Variants in ADRA1B observed in about 807,000 individuals in gnomAD.
ADRA1B encodes alpha-1B adrenergic receptor.
In ADRA1B, 17 loss-of-function variants were observed where a neutral mutation model predicts 17.9. That is an observed-to-expected ratio of 0.95 (90% CI 0.65 to 1.42). The LOEUF is 1.42. ADRA1B is among the 40% of genes most tolerant of loss of function. The pLI is 0.00. For synonymous variants in ADRA1B, 366 were observed against 327.6 expected, an observed-to-expected ratio of 1.12 and a Z score of -1.27; for missense variants, 681 against 722.1, an observed-to-expected ratio of 0.94 and a Z score of 0.65.
chr5:159,942,138 G>T (rs930215032), intron 1 of ADRA1B, among the ~76,000 whole-genome samples: 13 of 151,982 alleles, frequency 8.6e-5, no homozygotes, highest in Non-Finnish European at 1.9e-4. Context: ...TAGCCAGGAT[G>T]GTCTTGATCT....
chr5:159,942,016 A>G (rs528820535), intron 1 of ADRA1B, among the ~76,000 whole-genome samples: 4 of 144,468 alleles, frequency 2.8e-5, no homozygotes, highest in African/African-American at 1.0e-4. Flanking sequence ...TCCAACTCCC[A>G]GGTTGACATC....
intron 1 of ADRA1B, among the ~76,000 whole-genome samples, chr5:159,905,657 T>A (rs1468369360): frequency 6.6e-6 from 1 of 152,164 alleles, no homozygotes; most frequent in Non-Finnish European, 1.5e-5. Context: ...CAAAGAGTCA[T>A]ATGCAGAAGT....
chr5:159,938,374 T>C (rs1405288872), intron 1 of ADRA1B, among the ~76,000 whole-genome samples: 1 of 152,218 alleles, frequency 6.6e-6, no homozygotes, highest in Non-Finnish European at 1.5e-5. Context: ...CTTCCAACCA[T>C]GGAGTGATTA....
chr5:159,935,411 T>C (rs1754926512), intron 1 of ADRA1B, among the ~76,000 whole-genome samples: 1 of 152,204 alleles, frequency 6.6e-6, no homozygotes, highest in Non-Finnish European at 1.5e-5. Flanking sequence ...GTTGCTGAAT[T>C]TGCTATACAT....
chr5:159,922,193 T>C (rs568882141), intron 1 of ADRA1B, among the ~76,000 whole-genome samples: 16 of 152,340 alleles, frequency 1.1e-4, no homozygotes, highest in Non-Finnish European at 1.9e-4. Flanking sequence ...ATACATACCA[T>C]GTACCAGACA....
chr5:159,891,878 G>A (rs115753265), intron 1 of ADRA1B, among the ~76,000 whole-genome samples: 4,471 of 152,258 alleles, frequency 0.029, 79 homozygotes, highest in Middle Eastern at 0.071. Context: ...GGAGTAACTC[G>A]CACCTGTCAA....
intron 1 of ADRA1B, among the ~76,000 whole-genome samples, chr5:159,928,828 G>A (rs1178320417): frequency 1.3e-5 from 2 of 152,166 alleles, no homozygotes; most frequent in Admixed American, 6.5e-5. Context: ...TGGGCCGGGC[G>A]GAGATCCAGG....
chr5:159,917,154 C>A lies in ADRA1B; in HGVS notation c.249C>A (p.Phe83Leu). 1.2e-6 allele frequency: 2 copies of A among 1,614,212 alleles called. No homozygotes were observed. Among genetic ancestry groups the A allele is most frequent in the Non-Finnish European group, 1.7e-6 (2 of 1,180,042 alleles). ...ACCTGCGGACGCCCACCAACTACTT[C>A]ATTGTCAACCTGGCCATGGCCGACC... ...NRHLRTPTNY[F>L]IVNLAMADLL... is the part of the protein sequence containing the mutation. The change falls in exon 1 of 2, where the codon TTC becomes TTA. Residue 83 changes from phenylalanine (F) to leucine (L), a missense_variant. Phe to Leu is a conservative substitution (Grantham distance 22). Around this residue, in one of 3 missense-constraint regions of ADRA1B, gnomAD observed 424 missense variants for 480.2 expected, o/e 0.88. Transcript: ENST00000306675.
chr5:159,910,650 A>G (rs1363442348), intron 1 of ADRA1B, among the ~76,000 whole-genome samples: 1 of 152,230 alleles, frequency 6.6e-6, no homozygotes, highest in African/African-American at 2.4e-5. Flanking sequence ...CATAGACAAC[A>G]CGCAAACAAA....
chr5:159,960,323 G>A (rs1308927955), intron 1 of ADRA1B, among the ~76,000 whole-genome samples: 2 of 152,168 alleles, frequency 1.3e-5, no homozygotes, highest in East Asian at 1.9e-4. Context: ...TTGCAGCCAC[G>A]TTGAATAGGT....
chr5:159,945,693 G>A (rs1165681612), intron 1 of ADRA1B, among the ~76,000 whole-genome samples: 1 of 152,030 alleles, frequency 6.6e-6, no homozygotes, highest in Non-Finnish European at 1.5e-5. Context: ...AAAATCATGG[G>A]GGGGTTTTGG....
At position 159,917,981 on chromosome 5, in the gene ADRA1B, A is replaced by G. The variant is rs1434791455; in HGVS notation, c.949+127A>G. 6.8e-6 allele frequency: 6 copies of G among 888,728 alleles called. No individual in the cohort carries two copies. The East Asian group carries it at 1.5e-4, about 22-fold the overall frequency. 55.1% of individuals were successfully genotyped at this position (888,728 alleles called of 1,614,324 possible). On this transcript the variant is annotated intron_variant, in intron 1 of 1. Coordinates refer to ENST00000306675, the MANE Select transcript of ADRA1B (RefSeq NM_000679.4). ...TCTGTGCGTGTTCGGAGATTGAATA[A>G]TATTGTTTGTTCTGCAAAGGGTTTG...
chr5:159,932,980 C>A (rs1754857288), intron 1 of ADRA1B, among the ~76,000 whole-genome samples: 1 of 152,106 alleles, frequency 6.6e-6, no homozygotes, highest in Non-Finnish European at 1.5e-5. Context: ...GTAAATATAT[C>A]TGTAAAATTT....
chr5:159,963,086 C>T (rs931468644), intron 1 of ADRA1B, among the ~76,000 whole-genome samples: 19 of 150,398 alleles, frequency 1.3e-4, no homozygotes, highest in Non-Finnish European at 1.5e-5. Context: ...AGATAACATT[C>T]ATTGGATTTT....
intron 1 of ADRA1B, among the ~76,000 whole-genome samples, chr5:159,871,688 AGGTACTGG>A (rs1753741453): frequency 6.6e-6 from 1 of 151,494 alleles, no homozygotes; most frequent in African/African-American, 2.4e-5. Context: ...TCACATTCAC[AGGTACTGG>A]GGTGGTGGGG....
At chr5:159,942,834 G>T (rs1195752889) in intron 1 of ADRA1B, among the ~76,000 whole-genome samples, 1 of 152,122 alleles carries the variant, frequency 6.6e-6, no homozygotes, top group Non-Finnish European at 1.5e-5. Flanking sequence ...ATAAAGTAGG[G>T]ATACGAAATT....
chr5:159,981,558 C>T, the ADRA1B span, among the ~76,000 whole-genome samples: 10 of 152,108 alleles, frequency 6.6e-5, no homozygotes, highest in African/African-American at 9.7e-5. Context: ...TGCAGTGACG[C>T]GATCTCGGCT....
intron 1 of ADRA1B, among the ~76,000 whole-genome samples, chr5:159,926,661 C>A (rs927553825): frequency 6.6e-6 from 1 of 151,926 alleles, no homozygotes. Flanking sequence ...CCGAGGCGGG[C>A]GGATCACTTG....
chr5:159,948,489 T>C (rs1170192240), intron 1 of ADRA1B: 1 of 982,732 alleles, frequency 1.0e-6, no homozygotes, highest in East Asian at 1.1e-4. Flanking sequence ...TTAGTTAACG[T>C]TTTATTACAA....
Sources: allele counts gnomAD v4.1 joint callset (sites outside exome capture counted in the v4.1 genomes callset), GRCh38; gene constraint gnomAD v4.1.1; regional missense constraint gnomAD v4.1.1; transcripts MANE v1.5; gene names NCBI Gene and HGNC (gene_info 2026-07-23, HGNC 2026-07-21).